Variants in IQCH observed in about 807,000 individuals in gnomAD.
IQCH encodes IQ domain-containing protein H.
A neutral mutation model predicts 117.0 loss-of-function variants in IQCH; 98 were observed. The ratio of observed to expected loss-of-function variants is 0.84; its 90% CI spans 0.71 to 0.99. The LOEUF is 0.99. Ranked by LOEUF, IQCH falls within the 50% of genes least tolerant of loss-of-function variation. The pLI, the probability that IQCH is intolerant of heterozygous loss-of-function variation, is 0.00. For synonymous variants in IQCH, 412 were observed against 448.2 expected (o/e 0.92, Z 1.02); for missense variants, 1,102 against 1,243.8 (o/e 0.89, Z 1.72).
chr15:67,301,738 T>C (rs1275496798), intron 4 of IQCH, among the ~76,000 whole-genome samples: 4 of 152,118 alleles, frequency 2.6e-5, no homozygotes, highest in Admixed American at 2.6e-4. Context: ...TAAACATAGA[T>C]TCCTTTTAAG....
At chr15:67,373,769 A>G (rs148153023) in intron 10 of IQCH, 40 of 393,730 alleles carry the variant, frequency 1.0e-4, no homozygotes, top group African/African-American at 7.5e-4. Context: ...AGAAGAACAC[A>G]GGCTTGTATG....
Position 67,473,057 on chromosome 15 carries a change from T to G in IQCH, c.2677-2639T>G, listed in dbSNP as rs2083111936. Reference sequence around the variant, plus strand: ...CACATGCCTGCCTGCCTACCTCTCTTGCTGGCTGGGGTCTGGTCTTGGTTT... The same window carrying G: ...CACATGCCTGCCTGCCTACCTCTCTGGCTGGCTGGGGTCTGGTCTTGGTTT... On this transcript the variant is annotated intron_variant, in intron 17 of 20. Transcript: ENST00000335894. This position sits in a 1 kb window ranked among gnomAD's most constrained non-coding sequence, Gnocchi z 4.9. Among the ~76,000 whole-genome samples the G allele has an allele frequency of 6.6e-6, 1 of 152,208 alleles. No individual in the cohort carries two copies. Among genetic ancestry groups the G allele is most frequent in the African/African-American group, 2.4e-5 (1 of 41,456 alleles).
rs1969215110 is a variant in IQCH at position 67,342,428 on chromosome 15, A to T, written c.509-1635A>T. 6.6e-6 allele frequency among the ~76,000 whole-genome samples: 1 copy of T among 152,060 alleles called. No individual in the cohort carries two copies. Among genetic ancestry groups the T allele is most frequent in the African/African-American group, 2.4e-5 (1 of 41,436 alleles). On this transcript the variant is annotated intron_variant, in intron 5 of 20. Transcript: ENST00000335894. The surrounding 1 kb of genome is among the most constrained non-coding windows in gnomAD (Gnocchi z 4.7). ...CTTCCAATAGTAGATGGGCACACAT[A>T]TGTGTTTGTCTGAAATTAGGATAAT... is the stretch of plus-strand genomic sequence containing the variant.
At chr15:67,412,123 A>G (rs1468315129) in intron 14 of IQCH, among the ~76,000 whole-genome samples, 1 of 152,230 alleles carries the variant, frequency 6.6e-6, no homozygotes, top group Non-Finnish European at 1.5e-5. Context: ...GCTAGCCGCT[A>G]ATTGCATTCC....
At position 67,372,523 on chromosome 15, in the gene IQCH, TC is replaced by T. The variant is rs754352181; in HGVS notation, c.1168del (p.Leu390SerfsTer12). 6.2e-7 allele frequency: 1 copy of T among 1,614,006 alleles called. No individual in the cohort carries two copies. The highest frequency in any genetic ancestry group is 1.7e-5 in the Admixed American group (1 of 60,006). On this transcript the variant is annotated frameshift_variant, in exon 9 of 21. Coordinates refer to ENST00000335894, the MANE Select transcript of IQCH (RefSeq NM_001031715.3). LOFTEE classifies it high-confidence loss of function. ...TWKCYKARKF[F>X]LFYRQQKWAS... ...AAATGCTACAAAGCAAGAAAATTCT[TC>T]CTCTTTTATCGCCAGCAGAAGTGGG...
At chr15:67,436,000 A>G (rs1341325412) in intron 16 of IQCH, among the ~76,000 whole-genome samples, 1 of 152,112 alleles carries the variant, frequency 6.6e-6, no homozygotes, top group Non-Finnish European at 1.5e-5. Context: ...TTTTACCTGT[A>G]ATGTAAATGT....
intron 3 of IQCH, among the ~76,000 whole-genome samples, chr15:67,273,700 TGTTACACCACAGA>T (rs1966002130): frequency 6.6e-6 from 1 of 152,222 alleles, no homozygotes; most frequent in Non-Finnish European, 1.5e-5. Flanking sequence ...TTTGAGTAGG[TGTTACACCACAGA>T]GTATTAGTGT....
At chr15:67,295,433 G>C (rs1266039630) in intron 4 of IQCH, among the ~76,000 whole-genome samples, 2 of 152,174 alleles carry the variant, frequency 1.3e-5, no homozygotes, top group East Asian at 3.9e-4. Flanking sequence ...CATAGAACTG[G>C]CTTGTGCCCT....
rs2082681313 is a variant in IQCH, at chr15:67,457,268, G to A, written c.2506-7859G>A. 1.3e-5 allele frequency among the ~76,000 whole-genome samples: 2 copies of A among 152,104 alleles called. No homozygotes were observed. Among genetic ancestry groups the A allele is most frequent in the Non-Finnish European group, 2.9e-5 (2 of 68,004 alleles). On this transcript the variant is annotated intron_variant, in intron 16 of 20. Transcript: ENST00000335894. The surrounding 1 kb of genome is among the most constrained non-coding windows in gnomAD (Gnocchi z 5.7). ...TACTAATTGAAAATTCTTACAGTGG[G>A]GTGTACCAACTCCTTTAAAATTAAG...
At chr15:67,263,837 T>G (rs1025564110) in intron 3 of IQCH, among the ~76,000 whole-genome samples, 3 of 152,348 alleles carry the variant, frequency 2.0e-5, no homozygotes, top group South Asian at 2.1e-4. Flanking sequence ...GATGATTTAT[T>G]AAAATTAGAA....
intron 3 of IQCH, among the ~76,000 whole-genome samples, chr15:67,267,835 G>A (rs1965738518): frequency 6.6e-6 from 1 of 152,098 alleles, no homozygotes; most frequent in South Asian, 2.1e-4. Flanking sequence ...ACTATCCCTG[G>A]TCACACCTTT....
rs763639911 is a variant in IQCH, at chr15:67,388,964, C to T, written c.1590C>T (p.Asp530=). 4 of 1,613,866 alleles carry T rather than the reference C, an allele frequency of 2.5e-6. No individual in the cohort carries two copies. In the African/African-American group the frequency reaches 4.0e-5, roughly 16 times the overall value. Reference sequence around the variant, plus strand: ...TTGAGGACAGAAGTGACCTGCAGGACAGGTTCAAAATTATCACACCTGAAG... The same window carrying T: ...TTGAGGACAGAAGTGACCTGCAGGATAGGTTCAAAATTATCACACCTGAAG... ...GNLEDRSDLQ[D]RFKIITPEAV... The change falls in exon 12 of 21, where the codon GAC becomes GAT. Residue 530 remains aspartate, a synonymous_variant. Coordinates refer to ENST00000335894, the MANE Select transcript of IQCH (RefSeq NM_001031715.3). The surrounding 1 kb of genome is among the most constrained non-coding windows in gnomAD (Gnocchi z 5.5).
rs377089318 is a variant in IQCH at position 67,400,311 on chromosome 15, T to C, written c.2097+6T>C. The C allele has an allele frequency of 1.9e-6, 3 of 1,606,784 alleles. No individual in the cohort carries two copies. The highest frequency in any genetic ancestry group is 2.6e-6 in the Non-Finnish European group (3 of 1,173,776). Reference sequence around the variant, plus strand: ...GGAGAAAGAAATGGGCACAAGTGAGTATTCAATGGTGACTTAAACCCGCAG... The same window carrying C: ...GGAGAAAGAAATGGGCACAAGTGAGCATTCAATGGTGACTTAAACCCGCAG... On this transcript the variant is annotated splice_donor_region_variant and intron_variant, in intron 14 of 20. Coordinates refer to ENST00000335894, the MANE Select transcript of IQCH (RefSeq NM_001031715.3).
chr15:67,367,538 CTAAAAA>C (rs1474014158), intron 8 of IQCH, among the ~76,000 whole-genome samples: 2 of 151,796 alleles, frequency 1.3e-5, no homozygotes, highest in Non-Finnish European at 2.9e-5. Flanking sequence ...GACCCTGTCT[CTAAAAA>C]TAATAATTAT....
intron 3 of IQCH, among the ~76,000 whole-genome samples, chr15:67,273,237 A>G (rs1965979102): frequency 6.6e-6 from 1 of 151,282 alleles, no homozygotes; most frequent in South Asian, 2.1e-4. Flanking sequence ...TGCCTGGCTA[A>G]TTTTTGTATT....
chr15:67,396,970 A>G (rs1371848425), intron 13 of IQCH, among the ~76,000 whole-genome samples: 2 of 152,198 alleles, frequency 1.3e-5, no homozygotes, highest in African/African-American at 4.8e-5. Context: ...GTCGCAGGCA[A>G]TTTTAGTAGG....
At chr15:67,334,105 A>G (rs1412672655) in intron 4 of IQCH, among the ~76,000 whole-genome samples, 2 of 152,184 alleles carry the variant, frequency 1.3e-5, no homozygotes, top group East Asian at 1.9e-4. Flanking sequence ...CAAGTGATAA[A>G]GTTCTGAATT....
At position 67,430,114 on chromosome 15, in the gene IQCH, A is replaced by G. The variant is rs2081988244; in HGVS notation, c.2505+8537A>G. 6.6e-6 allele frequency among the ~76,000 whole-genome samples: 1 copy of G among 152,154 alleles called. No individual in the cohort carries two copies. Among genetic ancestry groups the G allele is most frequent in the African/African-American group, 2.4e-5 (1 of 41,444 alleles). On this transcript the variant is annotated intron_variant, in intron 16 of 20. Coordinates refer to ENST00000335894, the MANE Select transcript of IQCH (RefSeq NM_001031715.3). This position sits in a 1 kb window ranked among gnomAD's most constrained non-coding sequence, Gnocchi z 5.1. ...TTCTAGGCCTTCAGAGATGGCACGC[A>G]GAGTACATGGCACTCCAGAATACAC...
At chr15:67,397,796 T>G (rs1971519128) in intron 13 of IQCH, among the ~76,000 whole-genome samples, 1 of 152,094 alleles carries the variant, frequency 6.6e-6, no homozygotes, top group Non-Finnish European at 1.5e-5. Flanking sequence ...ATGATAAACA[T>G]TTGGAAATAG....
Sources: allele counts gnomAD v4.1 joint callset (sites outside exome capture counted in the v4.1 genomes callset), GRCh38; gene constraint gnomAD v4.1.1; non-coding constraint Gnocchi (gnomAD v3.1); transcripts MANE v1.5; gene names NCBI Gene and HGNC (gene_info 2026-07-23, HGNC 2026-07-21).